CCDC7: variants seen among roughly 807,000 people sequenced by gnomAD.
CCDC7 encodes coiled-coil domain-containing protein 7.
CCDC7 carries 183 observed loss-of-function variants against 196.9 expected under a neutral mutation model. The ratio of observed to expected loss-of-function variants is 0.93; its 90% confidence interval spans 0.82 to 1.05. CCDC7 has a LOEUF of 1.05. Ranked by LOEUF, CCDC7 falls within the 50% of genes least tolerant of loss-of-function variation. The pLI is 0.00. For synonymous variants in CCDC7, 525 were observed against 484.6 expected (o/e 1.08, Z -1.10); for missense variants, 1,540 against 1,482.2 (o/e 1.04, Z -0.64).
chr10:32,780,066 G>A (rs576075213), intron 29 of CCDC7, among the ~76,000 whole-genome samples: 62 of 152,140 alleles, frequency 4.1e-4, no homozygotes, highest in African/African-American at 1.5e-3. Context: ...GTGAAACCCC[G>A]TCTCTACAAA....
intron 20 of CCDC7, among the ~76,000 whole-genome samples, chr10:32,642,420 A>C (rs1485123336): frequency 2.0e-5 from 3 of 152,168 alleles, no homozygotes; most frequent in African/African-American, 7.2e-5. Context: ...GCAATGAGCG[A>C]GGCTCCGTGG....
Position 32,654,817 on chromosome 10 carries a change from T to C in CCDC7, c.2015-9237T>C, listed in dbSNP as rs181379340. Among the ~76,000 whole-genome samples, 204 of 152,292 alleles carry C rather than the reference T, an allele frequency of 1.3e-3. 2 individuals carry two copies. Among genetic ancestry groups the C allele is most frequent in the African/African-American group, 4.5e-3 (189 of 41,574 alleles). ...CTAAACCTGTGCACAGCCCTACATA[T>C]GTGTTTTGTCTATTAGATTCCCTGA... is the stretch of plus-strand genomic sequence containing the variant. On this transcript the variant is annotated intron_variant, in intron 20 of 41. Transcript: ENST00000639629.
intron 5 of CCDC7, among the ~76,000 whole-genome samples, chr10:32,464,791 G>C (rs902796959): frequency 3.9e-5 from 6 of 152,056 alleles, no homozygotes; most frequent in Admixed American, 3.9e-4. Flanking sequence ...GATTACAGGC[G>C]TGAGCCACTG....
intron 20 of CCDC7, among the ~76,000 whole-genome samples, chr10:32,637,787 G>T (rs1269891795): frequency 6.6e-6 from 1 of 152,160 alleles, no homozygotes; most frequent in Admixed American, 6.5e-5. Context: ...GTAGCTTGAT[G>T]GGGATGGCCT....
At chr10:32,583,071 C>G (rs997695128) in exon 17 of CCDC7, 1 of 1,231,240 alleles carries the variant, frequency 8.1e-7, no homozygotes, top group Non-Finnish European at 1.0e-6. Context: ...TATTTCAGAT[C>G]TTTCACAGAT....
At chr10:32,563,006 A>G (rs2056044375) in intron 13 of CCDC7, among the ~76,000 whole-genome samples, 2 of 152,016 alleles carry the variant, frequency 1.3e-5, no homozygotes, top group Non-Finnish European at 2.9e-5. Flanking sequence ...TTATACACCA[A>G]TGACAGACAG....
intron 9 of CCDC7, among the ~76,000 whole-genome samples, chr10:32,506,419 A>C (rs892192224): frequency 1.3e-5 from 2 of 152,068 alleles, no homozygotes; most frequent in Non-Finnish European, 2.9e-5. Flanking sequence ...ATGGGCAGCC[A>C]GGCAGAGACG....
intron 11 of CCDC7, among the ~76,000 whole-genome samples, chr10:32,525,714 A>G (rs1404390279): frequency 6.6e-6 from 1 of 152,240 alleles, no homozygotes; most frequent in Non-Finnish European, 1.5e-5. Context: ...AAAGTATTTG[A>G]AGGGACTTGG....
chr10:32,851,819 A>C (rs1342271514), exon 40 of CCDC7: 2 of 1,609,618 alleles, frequency 1.2e-6, no homozygotes, highest in African/African-American at 2.7e-5. Flanking sequence ...GAAACTTATG[A>C]GTACTCTTCA....
At chr10:32,567,999 T>C in intron 15 of CCDC7, 108 bp downstream of exon 16, 1 of 1,163,882 alleles carries the variant, frequency 8.6e-7, no homozygotes, top group Non-Finnish European at 1.1e-6. Context: ...CATGCCTCTG[T>C]TTTTGGGTTT....
chr10:32,833,959 C>T (rs962745101), intron 32 of CCDC7, among the ~76,000 whole-genome samples: 4 of 152,008 alleles, frequency 2.6e-5, no homozygotes, highest in East Asian at 1.9e-4. Flanking sequence ...ACTTGAGGCC[C>T]GGTAGATGGC....
chr10:32,511,944 T>C, intron 9 of CCDC7: 2 of 569,672 alleles, frequency 3.5e-6, no homozygotes, highest in South Asian at 2.2e-5. Flanking sequence ...TTTTATTAAA[T>C]TATTATGCAT....
intron 16 of CCDC7, among the ~76,000 whole-genome samples, chr10:32,581,930 A>T (rs1431153779): frequency 6.6e-6 from 1 of 151,842 alleles, no homozygotes; most frequent in Non-Finnish European, 1.5e-5. Context: ...AGAACTAATC[A>T]TCTTAAATTC....
intron 23 of CCDC7, among the ~76,000 whole-genome samples, chr10:32,689,742 GT>G (rs35995782): frequency 8.5e-5 from 12 of 140,696 alleles, no homozygotes; most frequent in South Asian, 2.3e-4. Flanking sequence ...CTGGGCTTGT[GT>G]TTTTTTTTTG....
chr10:32,588,517 G>T (rs1490943478), intron 18 of CCDC7, among the ~76,000 whole-genome samples: 1 of 151,942 alleles, frequency 6.6e-6, no homozygotes, highest in Admixed American at 6.6e-5. Context: ...AATCCTACTT[G>T]GTCTTGGTGT....
chr10:32,792,527 A>G (rs2082868817), intron 29 of CCDC7, among the ~76,000 whole-genome samples: 1 of 152,184 alleles, frequency 6.6e-6, no homozygotes, highest in African/African-American at 2.4e-5. Flanking sequence ...TTGGCTGGGC[A>G]TGGTGGCTCA....
At chr10:32,788,911 C>T (rs1343271347) in intron 29 of CCDC7, among the ~76,000 whole-genome samples, 3 of 152,158 alleles carry the variant, frequency 2.0e-5, no homozygotes, top group Non-Finnish European at 4.4e-5. Context: ...TAGTGGATCC[C>T]AGTGCAAAGC....
chr10:32,876,036 G>A (rs2488303), intron 41 of CCDC7, among the ~76,000 whole-genome samples: 2 of 151,816 alleles, frequency 1.3e-5, no homozygotes, highest in African/African-American at 2.4e-5. Flanking sequence ...TTCTTAGGCC[G>A]CAACCCCAGA....
intron 32 of CCDC7, among the ~76,000 whole-genome samples, chr10:32,830,562 C>T (rs1005106539): frequency 6.6e-6 from 1 of 151,968 alleles, no homozygotes; most frequent in African/African-American, 2.4e-5. Flanking sequence ...ATGAGAATGT[C>T]TCACCGAATA....
Sources: allele counts gnomAD v4.1 joint callset (sites outside exome capture counted in the v4.1 genomes callset), GRCh38; gene constraint gnomAD v4.1.1; transcripts MANE v1.5; gene names NCBI Gene and HGNC (gene_info 2026-07-23, HGNC 2026-07-21).